The following GABRG3 variants were observed in gnomAD, a reference collection of about 807,000 sequenced individuals.
GABRG3 encodes the protein gamma-aminobutyric acid receptor subunit gamma-3.
Under a neutral mutation model 48.8 loss-of-function variants are expected in GABRG3, and 25 were observed. That is an observed-to-expected ratio of 0.51 (90% CI 0.37 to 0.72). The LOEUF is 0.72. Among genes scored for constraint, GABRG3 ranks in the 30% least tolerant of loss-of-function variants. The pLI is 0.00. For synonymous variants in GABRG3, 227 were observed against 217.6 expected, an observed-to-expected ratio of 1.04 and a Z score of -0.38; for missense variants, 394 against 577.9, an observed-to-expected ratio of 0.68 and a Z score of 3.26.
chr15:27,075,922 T>C (rs956348117), intron 3 of GABRG3, among the ~76,000 whole-genome samples: 2 of 152,170 alleles, frequency 1.3e-5, no homozygotes, highest in Admixed American at 6.5e-5. Flanking sequence ...TGTTCTACCA[T>C]GTGCTGGTCC....
At position 27,174,819 on chromosome 15, in the gene GABRG3, G is replaced by A. The variant is rs1032106423; in HGVS notation, c.270+147998G>A. Among the ~76,000 whole-genome samples, 85 of 151,994 alleles carry A rather than the reference G, an allele frequency of 5.6e-4. 1 individual carries two copies. The highest frequency in any genetic ancestry group is 2.0e-3 in the African/African-American group (83 of 41,380). Reference sequence around the variant, plus strand: ...CATCACATGCTGTCCCAGCATTTCTGTACATTTCTTTACCAAGCCCTAGAA... The same window carrying A: ...CATCACATGCTGTCCCAGCATTTCTATACATTTCTTTACCAAGCCCTAGAA... On this transcript the variant is annotated intron_variant, in intron 3 of 9. Coordinates refer to ENST00000615808, the MANE Select transcript of GABRG3 (RefSeq NM_033223.5).
intron 3 of GABRG3, among the ~76,000 whole-genome samples, chr15:27,222,887 C>T (rs542195835): frequency 6.6e-6 from 1 of 152,338 alleles, no homozygotes; most frequent in East Asian, 1.9e-4. Context: ...ATTCTCCACA[C>T]AGTCTCACTT....
At chr15:27,230,131 C>G (rs183624551) in intron 3 of GABRG3, among the ~76,000 whole-genome samples, 2 of 152,170 alleles carry the variant, frequency 1.3e-5, no homozygotes, top group Admixed American at 1.3e-4. Context: ...AGCTATATTC[C>G]TAGGTATTTT....
intron 3 of GABRG3, among the ~76,000 whole-genome samples, chr15:27,297,509 C>T (rs916739261): frequency 6.6e-6 from 1 of 152,116 alleles, no homozygotes; most frequent in African/African-American, 2.4e-5. Context: ...TATACAAATA[C>T]TTAACATTGT....
intron 3 of GABRG3, among the ~76,000 whole-genome samples, chr15:27,070,366 T>C (rs987015295): frequency 2.6e-5 from 4 of 152,182 alleles, no homozygotes; most frequent in African/African-American, 9.6e-5. Flanking sequence ...AAAATGTCTG[T>C]TTTCATCATT....
intron 3 of GABRG3, among the ~76,000 whole-genome samples, chr15:27,093,227 G>A: frequency 6.6e-6 from 1 of 152,178 alleles, no homozygotes. Context: ...GGTGGAGGCA[G>A]GAGAGCTGTG....
intron 3 of GABRG3, among the ~76,000 whole-genome samples, chr15:27,042,246 C>G (rs1237994806): frequency 1.3e-5 from 2 of 152,170 alleles, no homozygotes; most frequent in Non-Finnish European, 2.9e-5. Context: ...CCCCACCCTT[C>G]GTTCCTCTAA....
At chr15:27,340,242 G>A (rs1347793105) in intron 5 of GABRG3, among the ~76,000 whole-genome samples, 4 of 152,156 alleles carry the variant, frequency 2.6e-5, no homozygotes, top group Admixed American at 6.5e-5. Context: ...GAGCGGGTGC[G>A]AGGGATAATT....
At chr15:27,318,064 T>G (rs1222651441) in intron 3 of GABRG3, among the ~76,000 whole-genome samples, 1 of 152,204 alleles carries the variant, frequency 6.6e-6, no homozygotes, top group Non-Finnish European at 1.5e-5. Flanking sequence ...GTAACGCAGC[T>G]GCTACAGCTT....
At chr15:27,089,015 C>G (rs977270309) in intron 3 of GABRG3, among the ~76,000 whole-genome samples, 2 of 152,060 alleles carry the variant, frequency 1.3e-5, no homozygotes, top group East Asian at 3.9e-4. Flanking sequence ...TGGCTGGCGC[C>G]GGGCTCTGGA....
intron 5 of GABRG3, among the ~76,000 whole-genome samples, chr15:27,430,245 G>A (rs1888408668): frequency 6.6e-6 from 1 of 151,888 alleles, no homozygotes; most frequent in South Asian, 2.1e-4. Context: ...TTTTCAATTG[G>A]GTTATCATTT....
chr15:27,165,619 T>C (rs1238508274), intron 3 of GABRG3, among the ~76,000 whole-genome samples: 1 of 151,956 alleles, frequency 6.6e-6, no homozygotes, highest in Non-Finnish European at 1.5e-5. Flanking sequence ...CTCTTTAACA[T>C]GTGTGCTCTA....
At chr15:27,172,272 TAAGTG>T (rs1887597690) in intron 3 of GABRG3, among the ~76,000 whole-genome samples, 1 of 152,128 alleles carries the variant, frequency 6.6e-6, no homozygotes, top group Non-Finnish European at 1.5e-5. Context: ...AGTGTTATGA[TAAGTG>T]AAGCTTTGCA....
chr15:27,403,871 C>T (rs112431333), intron 5 of GABRG3, among the ~76,000 whole-genome samples: 169 of 143,868 alleles, frequency 1.2e-3, no homozygotes, highest in African/African-American at 4.1e-3. Context: ...GAGATCGCAC[C>T]GCTGCACTTA....
chr15:27,328,762 C>T, intron 4 of GABRG3, 44 bp from the exon 5 acceptor site: 2 of 1,573,102 alleles, frequency 1.3e-6, no homozygotes, highest in South Asian at 1.1e-5. Flanking sequence ...CGGCCTTGCC[C>T]TGTGCTGTGT....
chr15:27,283,410 C>A (rs1891502442), intron 3 of GABRG3, among the ~76,000 whole-genome samples: 1 of 152,132 alleles, frequency 6.6e-6, no homozygotes, highest in African/African-American at 2.4e-5. Context: ...TCAAGACCAG[C>A]CTGGCCAACA....
At chr15:27,413,609 CT>C (rs1332179392) in intron 5 of GABRG3, among the ~76,000 whole-genome samples, 4 of 151,912 alleles carry the variant, frequency 2.6e-5, no homozygotes, top group East Asian at 1.9e-4. Context: ...TAATTGGGCC[CT>C]TTTTTTTAAA....
chr15:27,267,112 T>G (rs1296514442), intron 3 of GABRG3, among the ~76,000 whole-genome samples: 1 of 149,820 alleles, frequency 6.7e-6, no homozygotes, highest in African/African-American at 2.4e-5. Context: ...CTTTTTTTTT[T>G]TTTTTTTTTT....
chr15:27,159,092 C>T (rs546380128), intron 3 of GABRG3, among the ~76,000 whole-genome samples: 24 of 151,570 alleles, frequency 1.6e-4, no homozygotes, highest in African/African-American at 5.5e-4. Flanking sequence ...TCTTCCTCCA[C>T]GCCCTCCTCC....
Sources: allele counts gnomAD v4.1 joint callset (sites outside exome capture counted in the v4.1 genomes callset), GRCh38; gene constraint gnomAD v4.1.1; transcripts MANE v1.5; gene names NCBI Gene and HGNC (gene_info 2026-07-23, HGNC 2026-07-21).